ART3: variants seen among roughly 807,000 people sequenced by gnomAD.
The protein encoded by ART3 is ADP-ribosyltransferase 3 (inactive), also known as ecto-ADP-ribosyltransferase 3.
ART3 carries 49 observed loss-of-function variants against 48.5 expected under a neutral mutation model. The observed-to-expected ratio is 1.01, with a 90% confidence interval of 0.80 to 1.28. The LOEUF is 1.28. Among genes scored for constraint, ART3 ranks in the 50% most tolerant of loss-of-function variants. The pLI, the probability that ART3 is intolerant of heterozygous loss-of-function variation, is 0.00. For missense variants in ART3, 438 were observed against 454.3 expected, an observed-to-expected ratio of 0.96 and a Z score of 0.33; for synonymous variants, 145 against 157.2, an observed-to-expected ratio of 0.92 and a Z score of 0.58.
chr4:76,030,223 A>AT (rs1352809645), intron 1 of ART3, among the ~76,000 whole-genome samples: 2 of 152,130 alleles, frequency 1.3e-5, no homozygotes, highest in East Asian at 1.9e-4. Flanking sequence ...TGCCCAGCTA[A>AT]TTTTTTGTAT....
intron 1 of ART3, among the ~76,000 whole-genome samples, chr4:76,048,124 G>T (rs1735688271): frequency 6.6e-6 from 1 of 151,854 alleles, no homozygotes; most frequent in African/African-American, 2.4e-5. Flanking sequence ...AATAGGAAGG[G>T]GAGCTATAGG....
chr4:76,043,167 A>G (rs1735142009), intron 1 of ART3, among the ~76,000 whole-genome samples: 1 of 152,020 alleles, frequency 6.6e-6, no homozygotes, highest in African/African-American at 2.4e-5. Flanking sequence ...TGTATTTACA[A>G]TCCCTGAGCT....
At chr4:76,106,834 A>G (rs1300142111) in intron 10 of ART3, among the ~76,000 whole-genome samples, 3 of 152,156 alleles carry the variant, frequency 2.0e-5, no homozygotes, top group Admixed American at 6.6e-5. Flanking sequence ...CTTGAAATGC[A>G]TGAGGCTAGA....
chr4:76,098,928 T>C, intron 4 of ART3, 27 bp from the exon 5 acceptor site: 4 of 1,583,564 alleles, frequency 2.5e-6, no homozygotes, highest in Middle Eastern at 1.7e-4. Context: ...CATAGTACCA[T>C]GTAATGAAAA....
At chr4:76,097,555 A>C (rs1726286533) in intron 3 of ART3, 89 bp from the exon 4 acceptor site, 2 of 1,122,418 alleles carry the variant, frequency 1.8e-6, no homozygotes, top group Admixed American at 1.9e-5. Context: ...AGGAGCTGAC[A>C]GATTAGGTTA....
At chr4:76,108,374 TA>T (rs1728866865) in intron 11 of ART3, among the ~76,000 whole-genome samples, 1 of 152,308 alleles carries the variant, frequency 6.6e-6, no homozygotes, top group African/African-American at 2.4e-5. Flanking sequence ...TCAAAACTAT[TA>T]AAAATATACA....
At chr4:76,020,898 A>G (rs1473509923) in intron 1 of ART3, among the ~76,000 whole-genome samples, 1 of 152,066 alleles carries the variant, frequency 6.6e-6, no homozygotes, top group Non-Finnish European at 1.5e-5. Context: ...GGCTATAGGG[A>G]TTTGGAGATT....
intron 3 of ART3, among the ~76,000 whole-genome samples, chr4:76,086,719 T>C (rs539120510): frequency 1.3e-5 from 2 of 152,276 alleles, no homozygotes; most frequent in South Asian, 2.1e-4. Flanking sequence ...ATATACACAA[T>C]AAAATTCAGT....
chr4:76,084,839 C>T (rs1400663246), intron 3 of ART3, among the ~76,000 whole-genome samples: 2 of 152,180 alleles, frequency 1.3e-5, no homozygotes, highest in Admixed American at 6.5e-5. Flanking sequence ...GAAGCCATAG[C>T]TTTGGGCTTT....
At chr4:76,050,582 A>G (rs1164899303) in intron 1 of ART3, among the ~76,000 whole-genome samples, 1 of 152,250 alleles carries the variant, frequency 6.6e-6, no homozygotes, top group African/African-American at 2.4e-5. Flanking sequence ...TCAGGAGCCC[A>G]GCTGGCTTCA....
chr4:76,049,223 A>T (rs963901718), intron 1 of ART3, among the ~76,000 whole-genome samples: 5 of 152,016 alleles, frequency 3.3e-5, no homozygotes, highest in African/African-American at 1.2e-4. Flanking sequence ...GAGAAACTAG[A>T]AAAGCACCAG....
chr4:76,022,237 A>C, intron 1 of ART3: 3 of 754,556 alleles, frequency 4.0e-6, no homozygotes, highest in South Asian at 3.2e-5. Context: ...AAATGGAGGT[A>C]GGGGAGGGCG....
rs755477316 is a variant in ART3, at chr4:76,081,885, C to T, written c.131C>T (p.Thr44Met). 9.9e-6 allele frequency: 16 copies of T among 1,613,886 alleles called. No homozygotes were observed. Among genetic ancestry groups the T allele is most frequent in the South Asian group, 9.9e-5 (9 of 91,064 alleles). ...TTTGATGATGAATACCTGAAATGTACGGACAGGATGGAAATTAAATACGTT... is the reference window on the plus strand; with the variant it reads ...TTTGATGATGAATACCTGAAATGTATGGACAGGATGGAAATTAAATACGTT... ...NAFDDEYLKC[T>M]DRMEIKYVPQ... Residue 44 changes from threonine (T) to methionine (M), a missense_variant, in exon 3 of 12, where the codon ACG becomes ATG. By Grantham distance (81) the Thr-to-Met change is moderately conservative. Around this residue, in one of 3 missense-constraint regions of ART3, gnomAD observed 206 missense variants for 205.3 expected, o/e 1.00. Coordinates refer to ENST00000355810, the MANE Select transcript of ART3 (RefSeq NM_001130016.3).
chr4:76,103,500 A>G (rs1292101496), intron 8 of ART3, among the ~76,000 whole-genome samples: 4 of 152,194 alleles, frequency 2.6e-5, no homozygotes, highest in Non-Finnish European at 4.4e-5. Flanking sequence ...CTTTCCTTCA[A>G]TCTTCACTAA....
chr4:76,079,176 T>TTAAAA (rs1553932371), intron 2 of ART3, among the ~76,000 whole-genome samples: 2 of 130,852 alleles, frequency 1.5e-5, no homozygotes. Flanking sequence ...TCATCTTTGT[T>TTAAAA]AAAAAAAAAA....
intron 1 of ART3, among the ~76,000 whole-genome samples, chr4:76,042,211 A>G (rs956239657): frequency 4.6e-5 from 7 of 152,190 alleles, no homozygotes; most frequent in Non-Finnish European, 1.0e-4. Context: ...AATGTTTCCA[A>G]GTTAAAAGAG....
chr4:76,082,350 CTG>C lies in ART3; in HGVS notation c.600_601del (p.Leu201IlefsTer9). 4 of 1,614,162 alleles carry C rather than the reference CTG, an allele frequency of 2.5e-6. No homozygotes were observed. The highest frequency in any genetic ancestry group is 3.4e-6 in the Non-Finnish European group (4 of 1,180,038). The stretch of plus-strand genomic sequence containing the variant: ...CCTCAGGCTGCTAATGACCAGCTCA[CTG>C]TGTTATCCATCTACACATGCCTTGG... On this transcript the variant is annotated frameshift_variant, in exon 3 of 12. Coordinates refer to ENST00000355810, the MANE Select transcript of ART3 (RefSeq NM_001130016.3). LOFTEE classifies it high-confidence loss of function.
chr4:76,111,191 T>C (rs1274113120), intron 11 of ART3, among the ~76,000 whole-genome samples: 1 of 152,120 alleles, frequency 6.6e-6, no homozygotes, highest in East Asian at 1.9e-4. Context: ...CTCCAGTAAA[T>C]TGCACATCAC....
chr4:76,012,579 T>G (rs1444329007), intron 1 of ART3, among the ~76,000 whole-genome samples: 1 of 152,220 alleles, frequency 6.6e-6, no homozygotes, highest in Non-Finnish European at 1.5e-5. Flanking sequence ...GTTCTTCCTT[T>G]GCTAATCTTA....
Sources: allele counts gnomAD v4.1 joint callset (sites outside exome capture counted in the v4.1 genomes callset), GRCh38; gene constraint gnomAD v4.1.1; regional missense constraint gnomAD v4.1.1; transcripts MANE v1.5; gene names NCBI Gene and HGNC (gene_info 2026-07-23, HGNC 2026-07-21).